RBFOX1: variants seen among roughly 807,000 people sequenced by gnomAD.
RBFOX1 encodes the protein RNA binding fox-1 homolog 1, also known as RNA binding protein fox-1 homolog 1.
RBFOX1 carries 8 observed loss-of-function variants against 57.7 expected under a neutral mutation model. That is an observed-to-expected ratio of 0.14 (90% CI 0.08 to 0.25). RBFOX1 has a LOEUF of 0.25. Among genes scored for constraint, RBFOX1 ranks in the 10% least tolerant of loss-of-function variants. RBFOX1 has a pLI of 1.00. For synonymous variants in RBFOX1, 326 were observed against 222.4 expected (o/e 1.47, Z -4.15); for missense variants, 611 against 548.5 (o/e 1.11, Z -1.14).
chr16:6,077,788 C>T (rs1048287934), intron 1 of RBFOX1, among the ~76,000 whole-genome samples: 9 of 151,850 alleles, frequency 5.9e-5, no homozygotes, highest in African/African-American at 2.2e-4. Context: ...GCAGTCATAG[C>T]TCACTGCAGC....
intron 5 of RBFOX1, among the ~76,000 whole-genome samples, chr16:7,520,721 C>A (rs1037052184): frequency 6.6e-6 from 1 of 152,158 alleles, no homozygotes; most frequent in Non-Finnish European, 1.5e-5. Flanking sequence ...TGCTTTTGCG[C>A]TGACTACCAG....
At chr16:5,396,198 A>G (rs537247251) in intron 1 of RBFOX1, among the ~76,000 whole-genome samples, 2 of 152,202 alleles carry the variant, frequency 1.3e-5, no homozygotes, top group Admixed American at 6.5e-5. Context: ...CCTCTTTGCA[A>G]TGGTTACGTG....
chr16:6,337,227 A>C (rs1258082806), intron 2 of RBFOX1, among the ~76,000 whole-genome samples: 1 of 152,138 alleles, frequency 6.6e-6, no homozygotes. Flanking sequence ...AAAACACCAA[A>C]GAAGGAGGGC....
At chr16:6,973,537 C>G (rs771209103) in intron 3 of RBFOX1, among the ~76,000 whole-genome samples, 10 of 152,148 alleles carry the variant, frequency 6.6e-5, no homozygotes, top group Non-Finnish European at 1.0e-4. Flanking sequence ...GTTGATTTTT[C>G]AGCTTCTGTT....
chr16:6,528,430 C>G (rs1598959354), intron 2 of RBFOX1, among the ~76,000 whole-genome samples: 1 of 152,196 alleles, frequency 6.6e-6, no homozygotes, highest in East Asian at 1.9e-4. Context: ...GCCAATAAAA[C>G]ATGACCTTGA....
chr16:6,855,753 C>G (rs147852823), intron 3 of RBFOX1, among the ~76,000 whole-genome samples: 1 of 151,640 alleles, frequency 6.6e-6, no homozygotes, highest in Admixed American at 6.6e-5. Flanking sequence ...AATTGCGCAG[C>G]CCTTGGAAGT....
At chr16:6,513,385 C>T (rs1349915161) in intron 2 of RBFOX1, among the ~76,000 whole-genome samples, 2 of 152,120 alleles carry the variant, frequency 1.3e-5, no homozygotes. Flanking sequence ...ATCTACACAT[C>T]AAACTTTTCA....
intron 4 of RBFOX1, among the ~76,000 whole-genome samples, chr16:7,253,603 C>G (rs893964854): frequency 6.6e-6 from 1 of 152,158 alleles, no homozygotes; most frequent in African/African-American, 2.4e-5. Context: ...CATTTCCAGC[C>G]TCTTTTCCTT....
At chr16:6,954,603 T>G (rs1482154540) in intron 3 of RBFOX1, among the ~76,000 whole-genome samples, 3 of 152,114 alleles carry the variant, frequency 2.0e-5, no homozygotes, top group African/African-American at 7.2e-5. Flanking sequence ...CTCCTCATTA[T>G]GTAGATGGAG....
intron 1 of RBFOX1, among the ~76,000 whole-genome samples, chr16:6,162,857 C>A (rs1451939247): frequency 2.0e-5 from 3 of 152,270 alleles, no homozygotes; most frequent in South Asian, 4.2e-4. Flanking sequence ...CTTCACCCAA[C>A]CGAGTAGCTG....
chr16:5,709,306 C>T (rs930003397), intron 3 of RBFOX1, among the ~76,000 whole-genome samples: 1 of 152,148 alleles, frequency 6.6e-6, no homozygotes, highest in African/African-American at 2.4e-5. Context: ...AAGCTCTGTT[C>T]TGTTATTTTG....
At chr16:6,808,030 G>A (rs191642358) in intron 3 of RBFOX1, among the ~76,000 whole-genome samples, 139 of 149,500 alleles carry the variant, frequency 9.3e-4, no homozygotes, top group African/African-American at 3.3e-3. Context: ...ATTATACCTT[G>A]TGTATATGTA....
intron 2 of RBFOX1, among the ~76,000 whole-genome samples, chr16:6,571,053 T>A (rs1188424255): frequency 6.6e-6 from 1 of 152,196 alleles, no homozygotes; most frequent in African/African-American, 2.4e-5. Flanking sequence ...GCAGGCATTG[T>A]GGATTGGCCT....
intron 3 of RBFOX1, among the ~76,000 whole-genome samples, chr16:5,824,396 G>C (rs1289458695): frequency 6.6e-6 from 1 of 152,178 alleles, no homozygotes; most frequent in Non-Finnish European, 1.5e-5. Flanking sequence ...ACAAGTGCCA[G>C]ACAGTGTCCC....
rs72776815 is a variant in RBFOX1, at chr16:7,639,126, T to C, written c.757+8443T>C. On this transcript the variant is annotated intron_variant, in intron 11 of 15. Transcript: ENST00000550418. ...ACAGGAATTGGGTGGTTAGTTTTGC[T>C]TGCACAATGATCAAATCTGGTTTCA... is the stretch of plus-strand genomic sequence containing the variant. Among the ~76,000 whole-genome samples the C allele has an allele frequency of 6.5e-3, 988 of 152,300 alleles. 11 individuals are homozygous for C. The highest frequency in any genetic ancestry group is 9.7e-3 in the Non-Finnish European group (661 of 68,010).
intron 2 of RBFOX1, among the ~76,000 whole-genome samples, chr16:6,469,579 C>A (rs572725121): frequency 2.0e-5 from 3 of 152,326 alleles, no homozygotes; most frequent in African/African-American, 7.2e-5. Context: ...CACTCAAGAA[C>A]AAATGCATGT....
At chr16:6,182,760 T>A (rs2097074184) in intron 1 of RBFOX1, among the ~76,000 whole-genome samples, 1 of 152,204 alleles carries the variant, frequency 6.6e-6, no homozygotes, top group South Asian at 2.1e-4. Context: ...ACCTCTAACT[T>A]ACATCCTTTA....
At chr16:5,665,346 C>G (rs984903109) in intron 3 of RBFOX1, among the ~76,000 whole-genome samples, 1 of 152,174 alleles carries the variant, frequency 6.6e-6, no homozygotes, top group African/African-American at 2.4e-5. Context: ...TTTTCCTCCT[C>G]CAGGTTTGGC....
intron 3 of RBFOX1, among the ~76,000 whole-genome samples, chr16:6,662,208 G>A (rs905455029): frequency 1.1e-4 from 16 of 152,106 alleles, no homozygotes; most frequent in African/African-American, 3.6e-4. Context: ...GATAACTAAT[G>A]TACAGCACAG....
Sources: allele counts gnomAD v4.1 joint callset (sites outside exome capture counted in the v4.1 genomes callset), GRCh38; gene constraint gnomAD v4.1.1; transcripts MANE v1.5; gene names NCBI Gene and HGNC (gene_info 2026-07-23, HGNC 2026-07-21).